Variants in IRAG2 observed in about 807,000 individuals in gnomAD.
IRAG2 encodes the protein inositol 1,4,5-triphosphate receptor associated 2, also known as lymphoid restricted membrane protein.
IRAG2 carries 45 observed loss-of-function variants against 69.9 expected under a neutral mutation model. That is an observed-to-expected ratio of 0.64 (90% CI 0.51 to 0.83). The LOEUF (loss-of-function observed/expected upper bound fraction) is 0.83. IRAG2 is among the 40% of genes least tolerant of loss of function. The probability of loss-of-function intolerance (pLI) is 0.00; values close to 1 mark genes in which losing one functional copy is unlikely to be tolerated. For synonymous variants in IRAG2, 193 were observed against 202.4 expected, an observed-to-expected ratio of 0.95 and a Z score of 0.40; for missense variants, 520 against 587.0, an observed-to-expected ratio of 0.89 and a Z score of 1.18.
chr12:25,086,758 A>T (rs1234786680), intron 10 of IRAG2, among the ~76,000 whole-genome samples: 1 of 152,230 alleles, frequency 6.6e-6, no homozygotes, highest in African/African-American at 2.4e-5. Flanking sequence ...AAGGTCAAGT[A>T]AGATAAAGAC....
chr12:25,033,148 G>C (rs902140714), intron 12 of IRAG2, among the ~76,000 whole-genome samples: 10 of 151,900 alleles, frequency 6.6e-5, no homozygotes, highest in Non-Finnish European at 2.9e-5. Context: ...GTAGAGATGG[G>C]GTTTCACCAT....
At chr12:25,070,029 ATCT>A (rs1946235449) in intron 6 of IRAG2, among the ~76,000 whole-genome samples, 1 of 152,174 alleles carries the variant, frequency 6.6e-6, no homozygotes, top group Non-Finnish European at 1.5e-5. Flanking sequence ...GAGCCTCGTG[ATCT>A]TCTCAATCAA....
intron 2 of IRAG2, among the ~76,000 whole-genome samples, chr12:25,062,278 T>C (rs1447210399): frequency 3.3e-5 from 5 of 151,910 alleles, no homozygotes; most frequent in Non-Finnish European, 7.4e-5. Context: ...TAGGGCATCA[T>C]GCAGACACAT....
chr12:25,094,279 G>T (rs1480506446), intron 14 of IRAG2, among the ~76,000 whole-genome samples: 1 of 151,918 alleles, frequency 6.6e-6, no homozygotes, highest in African/African-American at 2.4e-5. Flanking sequence ...TAAGGTAAGG[G>T]TCCAATTTCA....
intron 14 of IRAG2, among the ~76,000 whole-genome samples, chr12:25,095,771 T>C (rs777935519): frequency 9.9e-5 from 15 of 152,204 alleles, no homozygotes; most frequent in Non-Finnish European, 1.9e-4. Flanking sequence ...TGGATTTTTC[T>C]TTATTGGGTG....
chr12:25,005,593 T>C (rs1349211138), intron 2 of IRAG2, among the ~76,000 whole-genome samples: 1 of 152,224 alleles, frequency 6.6e-6, no homozygotes, highest in African/African-American at 2.4e-5. Context: ...ATGATTCTTT[T>C]TGAGCTTATC....
chr12:25,096,321 C>A (rs1293750077), intron 14 of IRAG2, among the ~76,000 whole-genome samples: 1 of 152,188 alleles, frequency 6.6e-6, no homozygotes, highest in African/African-American at 2.4e-5. Flanking sequence ...CACAATCACA[C>A]AGGTAATGAG....
At chr12:25,080,780 C>T (rs1947152041) in intron 9 of IRAG2, among the ~76,000 whole-genome samples, 1 of 152,174 alleles carries the variant, frequency 6.6e-6, no homozygotes, top group African/African-American at 2.4e-5. Context: ...CTTTATACTC[C>T]ACCTTATGTC....
At position 25,083,461 on chromosome 12, in the gene IRAG2, T is replaced by C. The variant is rs775315547; in HGVS notation, c.283T>C (p.Ser95Pro). ...TCATGATAATATTGCATTCCAAGAC[T>C]CTACGAGTAAGGATAAAACCATATT... ...PAHDNIAFQD[S>P]TSKDKTILNL... is the part of the protein sequence containing the mutation. Residue 95 changes from serine to proline, a missense_variant, in exon 10 of 22, where the codon TCT becomes CCT. By Grantham distance (74) the Ser-to-Pro change is moderately conservative. Coordinates refer to ENST00000556887, the MANE Select transcript of IRAG2 (RefSeq NM_001366544.2). 5 of 1,611,692 alleles carry C rather than the reference T, an allele frequency of 3.1e-6. No homozygotes were observed. Among genetic ancestry groups the C allele is most frequent in the Non-Finnish European group, 3.4e-6 (4 of 1,177,984 alleles).
upstream of IRAG2, among the ~76,000 whole-genome samples, chr12:25,003,134 T>C: frequency 6.6e-6 from 1 of 152,338 alleles, no homozygotes; most frequent in Middle Eastern, 3.4e-3. Context: ...CCAGTAATTC[T>C]AGATACCCCT....
chr12:25,031,351 G>A (rs770549693), intron 10 of IRAG2, among the ~76,000 whole-genome samples: 4 of 152,102 alleles, frequency 2.6e-5, no homozygotes, highest in Non-Finnish European at 4.4e-5. Flanking sequence ...CATCTCCCAT[G>A]TGCCAGCCAC....
chr12:25,026,318 G>A (rs1944621166), intron 8 of IRAG2, among the ~76,000 whole-genome samples: 1 of 152,236 alleles, frequency 6.6e-6, no homozygotes, highest in Admixed American at 6.5e-5. Flanking sequence ...GGGTGCTGGT[G>A]TGGAGTGGGT....
Position 25,017,142 on chromosome 12 carries a change from CT to C in IRAG2, c.1065del (p.Asp356IlefsTer2), listed in dbSNP as rs1272017584. The C allele has an allele frequency of 8.1e-7, 1 of 1,231,720 alleles. No homozygotes were observed. Among genetic ancestry groups the C allele is most frequent in the African/African-American group, 1.6e-5 (1 of 64,338 alleles). 76.3% of individuals were successfully genotyped at this position (1,231,720 alleles called of 1,614,324 possible). A position where few individuals can be genotyped will look rare whatever the true frequency, so the allele number is the denominator to read the frequency against. ...TATTCTTTTACTTGCAGAGAGGTGT[CT>C]GATTTGATTGCCTACGTAGCAGACC... On this transcript the variant is annotated frameshift_variant, in exon 6 of 39. Transcript: ENST00000636465. LOFTEE classifies it high-confidence loss of function.
chr12:25,048,818 T>C (rs1054949903), upstream of IRAG2, among the ~76,000 whole-genome samples: 5 of 152,202 alleles, frequency 3.3e-5, no homozygotes, highest in African/African-American at 1.2e-4. Flanking sequence ...TCTGGTGCTT[T>C]TGTTGTGAAA....
At chr12:25,089,831 TC>T in intron 13 of IRAG2, 41 bp downstream of exon 13, 1 of 1,598,382 alleles carries the variant, frequency 6.3e-7, no homozygotes. Flanking sequence ...AAAAAAGTGT[TC>T]CAGACTCACC....
intron 10 of IRAG2, among the ~76,000 whole-genome samples, chr12:25,030,732 GC>G (rs1342763281): frequency 2.0e-5 from 3 of 152,136 alleles, no homozygotes; most frequent in Non-Finnish European, 4.4e-5. Context: ...TTCCTTTATA[GC>G]ACTTTATAAA....
In IRAG2 at chr12:25,107,091, T is replaced by TG; in HGVS notation, c.1256+44dup. 2.6e-6 allele frequency: 3 copies of TG among 1,134,896 alleles called. No homozygotes were observed. The South Asian group carries it at 4.0e-5, about 15-fold the overall frequency. The allele number at this position is 1,134,896 out of a possible 1,614,324, so 70.3% of individuals were successfully genotyped here. A position where few individuals can be genotyped will look rare whatever the true frequency, so the allele number is the denominator to read the frequency against. ...GATAAATTCTACCATTTTAGTGGAA[T>TG]GGGAAAGGGTGAGGCAGGGCTGACA... On this transcript the variant is annotated intron_variant, in intron 21 of 21. Transcript: ENST00000556887.
intron 1 of IRAG2, among the ~76,000 whole-genome samples, chr12:25,061,221 G>A (rs1029689541): frequency 3.3e-5 from 5 of 152,098 alleles, no homozygotes; most frequent in African/African-American, 1.2e-4. Flanking sequence ...TGAATTAAAG[G>A]AGACAAGGTT....
At chr12:25,073,066 G>T (rs868465206) in intron 6 of IRAG2, among the ~76,000 whole-genome samples, 1 of 152,118 alleles carries the variant, frequency 6.6e-6, no homozygotes, top group East Asian at 1.9e-4. Context: ...TTTTTCTGTG[G>T]GTTGGCCTCT....
Sources: gnomAD v4.1 joint callset for allele counts (sites outside exome capture counted in the v4.1 genomes callset) on GRCh38, gnomAD v4.1.1 for gene constraint, MANE v1.5 for transcripts, NCBI Gene and HGNC (gene_info 2026-07-23, HGNC 2026-07-21) for gene names.